Variants in RALGAPA2 observed in about 807,000 individuals in gnomAD.
RALGAPA2 encodes ral GTPase-activating protein subunit alpha-2.
Under a neutral mutation model 230.4 loss-of-function variants are expected in RALGAPA2, and 139 were observed. That is an observed-to-expected ratio of 0.60 (90% CI 0.53 to 0.69). RALGAPA2 has a LOEUF of 0.69. Ranked by LOEUF, RALGAPA2 falls within the 30% of genes least tolerant of loss-of-function variation. The probability of loss-of-function intolerance (pLI) is 0.00; values close to 1 mark genes in which losing one functional copy is unlikely to be tolerated. For missense variants in RALGAPA2, 2,163 were observed against 2,276.0 expected (o/e 0.95, Z 1.01); for synonymous variants, 847 against 837.8 (o/e 1.01, Z -0.19).
At chr20:20,459,440 T>C (rs2061249286) in intron 37 of RALGAPA2, among the ~76,000 whole-genome samples, 1 of 149,820 alleles carries the variant, frequency 6.7e-6, no homozygotes, top group East Asian at 2.0e-4. Flanking sequence ...TTTTTTTTTT[T>C]AGGTCTTTGG....
chr20:20,635,655 A>C, intron 8 of RALGAPA2, 38 bp from the exon 9 acceptor site: 4 of 1,422,380 alleles, frequency 2.8e-6, no homozygotes, highest in African/African-American at 1.5e-5. Flanking sequence ...TTAGGTTAAT[A>C]AATCATAACA....
At chr20:20,395,094 G>A (rs552979673) in intron 39 of RALGAPA2, among the ~76,000 whole-genome samples, 11 of 152,308 alleles carry the variant, frequency 7.2e-5, no homozygotes, top group East Asian at 1.9e-4. Flanking sequence ...GCTTTGTCCC[G>A]CTGAGTGAGC....
chr20:20,637,633 T>G (rs1334130718), intron 7 of RALGAPA2, 132 bp from the exon 8 acceptor site: 3 of 807,072 alleles, frequency 3.7e-6, no homozygotes, highest in Non-Finnish European at 5.7e-6. Flanking sequence ...TTGACAATCA[T>G]GTAATGAAAT....
rs375961434 is a variant in RALGAPA2, at chr20:20,396,681, A to C, written c.*35+14T>G. ...CAGGGTGGCTGGACAAATCCACTGA[A>C]GTGTCTGTCTTACCTTGCTCAAATA... is the stretch of plus-strand genomic sequence containing the variant. On this transcript the variant is annotated intron_variant, in intron 39 of 39. Coordinates refer to ENST00000202677, the MANE Select transcript of RALGAPA2 (RefSeq NM_020343.4). The C allele has an allele frequency of 4.0e-4, 640 of 1,604,510 alleles. 3 individuals carry two copies. In the African/African-American group the frequency reaches 7.3e-3, roughly 18 times the overall value.
chr20:20,651,345 A>G lies in RALGAPA2; in HGVS notation c.328+2185T>C, dbSNP rs528153917. Among the ~76,000 whole-genome samples the G allele has an allele frequency of 3.3e-5, 5 of 152,374 alleles. No homozygotes were observed. In the East Asian group the frequency reaches 9.6e-4, roughly 29 times the overall value. On this transcript the variant is annotated intron_variant, in intron 4 of 39. Transcript: ENST00000202677. ...CCTGTTTGACTTTAAGTATATAAGC[A>G]TCAGTAATAAATGTGGATTATTTTA...
At chr20:20,516,610 CCAAGCAATCT>C (rs760097109) in intron 31 of RALGAPA2, among the ~76,000 whole-genome samples, 1 of 152,216 alleles carries the variant, frequency 6.6e-6, no homozygotes, top group Non-Finnish European at 1.5e-5. Context: ...ATATCTATAA[CCAAGCAATCT>C]CACAGAGTCT....
chr20:20,698,539 AC>A lies in RALGAPA2; in HGVS notation c.106+13835del, dbSNP rs1284189196. 3.3e-5 allele frequency among the ~76,000 whole-genome samples: 5 copies of A among 151,882 alleles called. No individual in the cohort carries two copies. The East Asian group carries it at 9.7e-4, about 29-fold the overall frequency. ...CAAGTAGCTGGGATTACAGGCACCCACCACCACGCCTGACTTATTTTTGTAT... is the reference window on the plus strand; with the variant it reads ...CAAGTAGCTGGGATTACAGGCACCCACACCACGCCTGACTTATTTTTGTAT... On this transcript the variant is annotated intron_variant, in intron 1 of 39. Transcript: ENST00000202677.
At chr20:20,486,032 A>G (rs2061900012) in intron 36 of RALGAPA2, among the ~76,000 whole-genome samples, 1 of 152,142 alleles carries the variant, frequency 6.6e-6, no homozygotes, top group Non-Finnish European at 1.5e-5. Flanking sequence ...CCAGCTATCC[A>G]GGAAGCCGAG....
At chr20:20,479,526 G>C (rs2061726700) in intron 36 of RALGAPA2, among the ~76,000 whole-genome samples, 1 of 152,128 alleles carries the variant, frequency 6.6e-6, no homozygotes, top group Non-Finnish European at 1.5e-5. Flanking sequence ...AATGAGAAAA[G>C]TCAGGTAATC....
intron 35 of RALGAPA2, among the ~76,000 whole-genome samples, chr20:20,501,273 T>C (rs2123670230): frequency 6.6e-6 from 1 of 152,392 alleles, no homozygotes; most frequent in South Asian, 2.1e-4. Context: ...AATAGAAGGC[T>C]GTTTTTACTA....
intron 24 of RALGAPA2, among the ~76,000 whole-genome samples, chr20:20,543,259 A>G (rs2063697041): frequency 6.6e-6 from 1 of 151,644 alleles, no homozygotes; most frequent in South Asian, 2.1e-4. Context: ...GCTAACCAGG[A>G]TGGTCTCGAT....
intron 37 of RALGAPA2, among the ~76,000 whole-genome samples, chr20:20,412,462 T>C (rs114739911): frequency 6.6e-6 from 1 of 152,336 alleles, no homozygotes; most frequent in African/African-American, 2.4e-5. Context: ...CTGATTGCAA[T>C]AGCATCTCTT....
At chr20:20,428,579 T>C (rs1405111866) in intron 37 of RALGAPA2, among the ~76,000 whole-genome samples, 1 of 152,188 alleles carries the variant, frequency 6.6e-6, no homozygotes, top group Non-Finnish European at 1.5e-5. Context: ...ACAATTCATA[T>C]GTGAGGCAGA....
intron 23 of RALGAPA2, among the ~76,000 whole-genome samples, chr20:20,566,118 G>C (rs1332015217): frequency 6.6e-6 from 1 of 152,140 alleles, no homozygotes; most frequent in Non-Finnish European, 1.5e-5. Flanking sequence ...ATGACAGGAG[G>C]ACCCAGATCC....
chr20:20,483,134 C>T (rs998738037), intron 36 of RALGAPA2, among the ~76,000 whole-genome samples: 1 of 152,106 alleles, frequency 6.6e-6, no homozygotes, highest in Non-Finnish European at 1.5e-5. Flanking sequence ...GGGTGTTCCT[C>T]ACAAGTTAGG....
chr20:20,658,140 T>C (rs186154012), intron 3 of RALGAPA2, among the ~76,000 whole-genome samples: 52 of 152,294 alleles, frequency 3.4e-4, no homozygotes, highest in African/African-American at 1.2e-3. Context: ...GGATGGACTT[T>C]AAAAACACTC....
chr20:20,678,705 G>A (rs1383958537), intron 2 of RALGAPA2, among the ~76,000 whole-genome samples: 6 of 151,984 alleles, frequency 3.9e-5, no homozygotes, highest in Non-Finnish European at 8.8e-5. Flanking sequence ...CCGTGACCAG[G>A]GTGAGATACA....
intron 18 of RALGAPA2, 108 bp downstream of exon 18, chr20:20,589,160 A>C (rs56006287): frequency 0.056 from 79,332 of 1,418,492 alleles, 2,488 homozygotes; most frequent in Non-Finnish European, 0.064. Context: ...AAACTGTCTA[A>C]ATGGAAAAAA....
At chr20:20,519,239 C>T (rs2062964731) in intron 31 of RALGAPA2, among the ~76,000 whole-genome samples, 1 of 152,206 alleles carries the variant, frequency 6.6e-6, no homozygotes, top group Non-Finnish European at 1.5e-5. Flanking sequence ...TCAGTTTGCT[C>T]ATCTACAAAA....
Sources: allele counts gnomAD v4.1 joint callset (sites outside exome capture counted in the v4.1 genomes callset), GRCh38; gene constraint gnomAD v4.1.1; transcripts MANE v1.5; gene names NCBI Gene and HGNC (gene_info 2026-07-23, HGNC 2026-07-21).